CREB5: variants seen among roughly 807,000 people sequenced by gnomAD.
CREB5 encodes the protein cAMP responsive element binding protein 5.
Under a neutral mutation model 57.1 loss-of-function variants are expected in CREB5, and 19 were observed. The observed-to-expected ratio is 0.33, with a 90% CI of 0.23 to 0.49. CREB5 has a LOEUF of 0.49. Ranked by LOEUF, CREB5 falls within the 20% of genes least tolerant of loss-of-function variation. The pLI, the probability that CREB5 is intolerant of heterozygous loss-of-function variation, is 0.99. For missense variants in CREB5, 579 were observed against 671.6 expected (o/e 0.86, Z 1.52); for synonymous variants, 238 against 238.3 (o/e 1.00, Z 0.01).
intron 7 of CREB5, among the ~76,000 whole-genome samples, chr7:28,737,358 T>C (rs1280087853): frequency 9.9e-5 from 15 of 151,656 alleles, no homozygotes; most frequent in Non-Finnish European, 1.2e-4. Context: ...TCAGACTGCC[T>C]AGCTTCAGAT....
chr7:28,504,315 A>G (rs911458312), intron 3 of CREB5, among the ~76,000 whole-genome samples: 1 of 152,324 alleles, frequency 6.6e-6, no homozygotes, highest in South Asian at 2.1e-4. Flanking sequence ...CTTGTAAATC[A>G]CACCTTATTT....
intron 1 of CREB5, among the ~76,000 whole-genome samples, chr7:28,305,402 C>A (rs1271731683): frequency 6.6e-6 from 1 of 152,192 alleles, no homozygotes; most frequent in African/African-American, 2.4e-5. Flanking sequence ...GGAGGCCAAC[C>A]CACTGTTTCC....
At chr7:28,655,356 T>C (rs1009230042) in intron 5 of CREB5, among the ~76,000 whole-genome samples, 3 of 152,160 alleles carry the variant, frequency 2.0e-5, no homozygotes, top group Non-Finnish European at 4.4e-5. Flanking sequence ...CCCATAATCC[T>C]AGCCCTTTGG....
chr7:28,396,749 AT>A (rs1314923204), intron 1 of CREB5, among the ~76,000 whole-genome samples: 1 of 152,150 alleles, frequency 6.6e-6, no homozygotes, highest in East Asian at 1.9e-4. Flanking sequence ...CTATTACTTC[AT>A]TTTTATTCTG....
At chr7:28,572,942 T>G (rs1795760188) in intron 5 of CREB5, among the ~76,000 whole-genome samples, 1 of 152,240 alleles carries the variant, frequency 6.6e-6, no homozygotes, top group South Asian at 2.1e-4. Context: ...GGACTCTGTC[T>G]CATTGCCAAG....
chr7:28,736,819 T>G (rs1019654134), intron 7 of CREB5, among the ~76,000 whole-genome samples: 13 of 98,532 alleles, frequency 1.3e-4, no homozygotes, highest in African/African-American at 4.0e-4. Flanking sequence ...GCTCTCTCTC[T>G]CTCTCTTTTT....
Position 28,822,324 on chromosome 7 carries a change from C to A in CREB5, c.*3045C>A, listed in dbSNP as rs1809817973. On this transcript the variant is annotated 3_prime_UTR_variant, in exon 11 of 11. Transcript: ENST00000357727. Reference sequence around the variant, plus strand: ...AACACTTGGCTTATCAATATTAAGTCTTTTACCTAAAGGCCCAGCCGTCAC... The same window carrying A: ...AACACTTGGCTTATCAATATTAAGTATTTTACCTAAAGGCCCAGCCGTCAC... 6.6e-6 allele frequency: 1 copy of A among 152,468 alleles called. No individual in the cohort carries two copies. The highest frequency in any genetic ancestry group is 1.5e-5 in the Non-Finnish European group (1 of 68,046). 9.4% of individuals were successfully genotyped at this position (152,468 alleles called of 1,614,324 possible). A position where few individuals can be genotyped will look rare whatever the true frequency, so the allele number is the denominator to read the frequency against.
intron 7 of CREB5, among the ~76,000 whole-genome samples, chr7:28,786,687 C>T (rs1807350316): frequency 6.6e-6 from 1 of 152,144 alleles, no homozygotes; most frequent in South Asian, 2.1e-4. Context: ...AGTCTGTCTT[C>T]TAAAAAGGTT....
Position 28,724,219 on chromosome 7 carries a change from T to C in CREB5, c.592-3T>C, listed in dbSNP as rs1803203277. On this transcript the variant is annotated splice_polypyrimidine_tract_variant and splice_region_variant and intron_variant, in intron 6 of 10. Transcript: ENST00000357727. The stretch of plus-strand genomic sequence containing the variant: ...TCTAATTCTTTTCTTTCCTTTCTCT[T>C]AGATGGAGCGACAAATGTCAGTGAA... The C allele has an allele frequency of 6.2e-7, 1 of 1,611,936 alleles. No individual in the cohort carries two copies. Among genetic ancestry groups the C allele is most frequent in the Non-Finnish European group, 8.5e-7 (1 of 1,179,354 alleles).
At chr7:28,601,490 C>A (rs1032110460) in intron 5 of CREB5, among the ~76,000 whole-genome samples, 1 of 152,026 alleles carries the variant, frequency 6.6e-6, no homozygotes, top group Non-Finnish European at 1.5e-5. Flanking sequence ...AGAAAAGGTA[C>A]CTCAACCCCT....
At chr7:28,642,546 T>G (rs1283174494) in intron 5 of CREB5, among the ~76,000 whole-genome samples, 2 of 152,182 alleles carry the variant, frequency 1.3e-5, no homozygotes, top group African/African-American at 4.8e-5. Context: ...TACAAAGGGC[T>G]TTTCTGCATG....
At chr7:28,358,288 G>A (rs550535259) in intron 1 of CREB5, among the ~76,000 whole-genome samples, 53 of 152,236 alleles carry the variant, frequency 3.5e-4, no homozygotes, top group Non-Finnish European at 6.0e-4. Flanking sequence ...TTTAACTGGG[G>A]ACTCCTGCTC....
chr7:28,418,069 C>T (rs1788093529), intron 1 of CREB5, among the ~76,000 whole-genome samples: 1 of 152,156 alleles, frequency 6.6e-6, no homozygotes, highest in East Asian at 1.9e-4. Flanking sequence ...CAGATACTTG[C>T]CTTTAGTTGT....
chr7:28,686,600 G>C (rs564377578), intron 5 of CREB5, among the ~76,000 whole-genome samples: 61 of 152,230 alleles, frequency 4.0e-4, no homozygotes, highest in African/African-American at 1.4e-3. Context: ...GCTCCTAATC[G>C]GAGGAGACAG....
At chr7:28,301,618 C>T (rs1445977412) in intron 1 of CREB5, among the ~76,000 whole-genome samples, 9 of 152,150 alleles carry the variant, frequency 5.9e-5, no homozygotes, top group African/African-American at 2.2e-4. Context: ...TAAAGGGACT[C>T]TATATTCTAG....
At chr7:28,453,958 CTT>C (rs70977045) in intron 1 of CREB5, among the ~76,000 whole-genome samples, 5 of 132,536 alleles carry the variant, frequency 3.8e-5, no homozygotes, top group Non-Finnish European at 3.2e-5. Flanking sequence ...CTCTCCAATT[CTT>C]TTTTTTTTTT....
chr7:28,559,525 G>A (rs566425235), intron 4 of CREB5, among the ~76,000 whole-genome samples: 1 of 152,174 alleles, frequency 6.6e-6, no homozygotes, highest in African/African-American at 2.4e-5. Context: ...ATGTTGCCCA[G>A]GCTGGTTGCA....
chr7:28,773,166 C>T (rs1339675185), intron 7 of CREB5, among the ~76,000 whole-genome samples: 1 of 150,716 alleles, frequency 6.6e-6, no homozygotes. Flanking sequence ...TTTCCAAAAA[C>T]AAACAAAAAA....
intron 5 of CREB5, among the ~76,000 whole-genome samples, chr7:28,653,840 T>C (rs1799233746): frequency 6.6e-6 from 1 of 152,202 alleles, no homozygotes; most frequent in African/African-American, 2.4e-5. Flanking sequence ...TTCCTGACTA[T>C]TAACCAATTG....
Sources: gnomAD v4.1 joint callset for allele counts (sites outside exome capture counted in the v4.1 genomes callset) on GRCh38, gnomAD v4.1.1 for gene constraint, MANE v1.5 for transcripts, NCBI Gene and HGNC (gene_info 2026-07-23, HGNC 2026-07-21) for gene names.